The following SNCG variants were observed in gnomAD, a reference collection of about 807,000 sequenced individuals.
SNCG encodes the protein gamma-synuclein.
SNCG carries 13 observed loss-of-function variants against 16.0 expected under a neutral mutation model. The ratio of observed to expected loss-of-function variants is 0.81; its 90% confidence interval spans 0.53 to 1.29. The LOEUF (loss-of-function observed/expected upper bound fraction) is 1.29. Ranked by LOEUF, SNCG falls within the 50% of genes most tolerant of loss-of-function variation. SNCG has a pLI of 0.00. For missense variants in SNCG, 154 were observed against 168.5 expected (o/e 0.91, Z 0.48); for synonymous variants, 66 against 66.3 (o/e 1.00, Z 0.02).
chr10:86,958,189 C>T (rs1844268992), upstream of SNCG: 1 of 973,720 alleles, frequency 1.0e-6, no homozygotes, highest in African/African-American at 1.8e-5. Context: ...GCTGCTCTCA[C>T]CTAACAGGCC....
chr10:86,959,351 G>A lies in SNCG; in HGVS notation c.122-282G>A. On this transcript the variant is annotated intron_variant, in intron 1 of 4. Coordinates refer to ENST00000372017, the MANE Select transcript of SNCG (RefSeq NM_003087.3). The surrounding 1 kb of genome is among the most constrained non-coding windows in gnomAD (Gnocchi z 4.3). ...ATCCTGTCCTGTTGCTGCTTCTGAG[G>A]CCCGGCCACACCCGGGCAGGGGCTG... 1.8e-6 allele frequency: 1 copy of A among 558,596 alleles called. No homozygotes were observed. Among genetic ancestry groups the A allele is most frequent in the South Asian group, 2.2e-5 (1 of 45,814 alleles). 34.6% of individuals were successfully genotyped at this position (558,596 alleles called of 1,614,324 possible). A position where few individuals can be genotyped will look rare whatever the true frequency, so the allele number is the denominator to read the frequency against.
upstream of SNCG, chr10:86,957,969 CTCAGCACCT>C: frequency 2.9e-6 from 3 of 1,024,226 alleles, no homozygotes; most frequent in Non-Finnish European, 3.5e-6. Context: ...TTCATGCCTC[CTCAGCACCT>C]TCAGCACTGG....
upstream of SNCG, chr10:86,958,178 G>A (rs1844268874): frequency 1.0e-6 from 1 of 980,682 alleles, no homozygotes; most frequent in Non-Finnish European, 1.2e-6. Flanking sequence ...GCGGGAGGTT[G>A]GCTGCTCTCA....
upstream of SNCG, among the ~76,000 whole-genome samples, chr10:86,955,804 C>G (rs566109558): frequency 3.3e-5 from 5 of 152,236 alleles, no homozygotes; most frequent in South Asian, 1.0e-3. Flanking sequence ...GGAAGGAGAG[C>G]CCTGCAGGCA....
chr10:86,962,670 G>A lies in SNCG; in HGVS notation c.358G>A (p.Glu120Lys), dbSNP rs746527519. Residue 120 changes from glutamate to lysine, a missense_variant, in exon 4 of 5, where the codon GAG becomes AAG. Coordinates refer to ENST00000372017, the MANE Select transcript of SNCG (RefSeq NM_003087.3). ...ATCCAAAGAGAAAGAGGAAGTGGCA[G>A]AGGAGGTAGGAGCTGGGCTCCTGGG... The part of the protein sequence containing the change: ...EASKEKEEVA[E>K]EAQSGGD The A allele has an allele frequency of 1.7e-5, 28 of 1,611,550 alleles. No homozygotes were observed. The highest frequency in any genetic ancestry group is 1.6e-4 in the Middle Eastern group (1 of 6,072).
upstream of SNCG, chr10:86,957,557 G>T: frequency 6.3e-7 from 1 of 1,597,626 alleles, no homozygotes. Flanking sequence ...TGGTGGGGCA[G>T]GCTCAGCTCA....
chr10:86,958,873 G>C lies in SNCG; in HGVS notation c.121+55G>C, dbSNP rs1164144542. 1.9e-6 allele frequency: 3 copies of C among 1,541,528 alleles called. No individual in the cohort carries two copies. In the Admixed American group the frequency reaches 5.5e-5, roughly 28 times the overall value. On this transcript the variant is annotated intron_variant, in intron 1 of 4. Coordinates refer to ENST00000372017, the MANE Select transcript of SNCG (RefSeq NM_003087.3). The stretch of plus-strand genomic sequence containing the variant: ...GTGGTGGCCAAAGGGTGAGTGCCCA[G>C]TTACCTTCGCCAGACCTTACTCCCC...
rs546369056 is a variant in SNCG at position 86,963,179 on chromosome 10, C to T, written c.*194C>T. ...ACTGCCCTCCCTCGGCCCCACCCACCCTCTGGTCCTTCTGACCCCACTTAT... is the reference window on the plus strand; with the variant it reads ...ACTGCCCTCCCTCGGCCCCACCCACTCTCTGGTCCTTCTGACCCCACTTAT... On this transcript the variant is annotated 3_prime_UTR_variant, in exon 5 of 5. Transcript: ENST00000372017. The T allele has an allele frequency of 3.9e-4, 182 of 466,006 alleles. No individual in the cohort carries two copies. The highest frequency in any genetic ancestry group is 3.1e-3 in the African/African-American group (157 of 50,360). 28.9% of individuals were successfully genotyped at this position (466,006 alleles called of 1,614,324 possible).
At position 86,960,050 on chromosome 10, in the gene SNCG, G is replaced by T; in HGVS notation, c.213G>T (p.Val71=). The T allele has an allele frequency of 6.2e-7, 1 of 1,612,726 alleles. No individual in the cohort carries two copies. Residue 71 remains valine (V), a synonymous_variant, in exon 3 of 5, where the codon GTG becomes GTT. Transcript: ENST00000372017. ...CCAACGCCGTGAGCGAGGCTGTGGT[G>T]AGCAGCGTCAACACTGTGGCCACCA... is the stretch of plus-strand genomic sequence containing the variant. ...EQANAVSEAV[V]SSVNTVATKT...
intron 3 of SNCG, among the ~76,000 whole-genome samples, chr10:86,960,924 T>G (rs1217820934): frequency 6.6e-6 from 1 of 152,214 alleles, no homozygotes; most frequent in East Asian, 1.9e-4. Context: ...GAGAGATTAA[T>G]GTGCCCAAGG....
upstream of SNCG, chr10:86,958,428 A>G: frequency 2.0e-6 from 2 of 985,400 alleles, no homozygotes; most frequent in Non-Finnish European, 2.4e-6. Context: ...AGCTGGGCTG[A>G]GCCAGCAGGA....
chr10:86,958,840 G>A (rs761356862), intron 1 of SNCG, 22 bp downstream of exon 1: 1 of 1,585,124 alleles, frequency 6.3e-7, no homozygotes, highest in Non-Finnish European at 8.6e-7. Flanking sequence ...ATGGCAGGGT[G>A]GGACAGTGTG....
rs570233764 is a variant in SNCG at position 86,959,536 on chromosome 10, C to T, written c.122-97C>T. 2.7e-6 allele frequency: 3 copies of T among 1,107,826 alleles called. No homozygotes were observed. Among genetic ancestry groups the T allele is most frequent in the Non-Finnish European group, 1.4e-6 (1 of 732,448 alleles). The allele number at this position is 1,107,826 out of a possible 1,614,324, so 68.6% of individuals were successfully genotyped here. A position where few individuals can be genotyped will look rare whatever the true frequency, so the allele number is the denominator to read the frequency against. Reference sequence around the variant, plus strand: ...CCAGACACCATCCTTACCCCCCCACCGACCCCACAGTTTGTCCAGCTGTTC... The same window carrying T: ...CCAGACACCATCCTTACCCCCCCACTGACCCCACAGTTTGTCCAGCTGTTC... On this transcript the variant is annotated intron_variant, in intron 1 of 4. Coordinates refer to ENST00000372017, the MANE Select transcript of SNCG (RefSeq NM_003087.3). The surrounding 1 kb of genome is among the most constrained non-coding windows in gnomAD (Gnocchi z 4.3).
chr10:86,961,868 C>T (rs112276548), intron 3 of SNCG, among the ~76,000 whole-genome samples: 1 of 129,308 alleles, frequency 7.7e-6, no homozygotes, highest in Non-Finnish European at 1.7e-5. Flanking sequence ...ATCCCCGCCT[C>T]CCCCCCGTCC....
intron 3 of SNCG, 101 bp downstream of exon 3, chr10:86,960,229 G>A (rs1018331150): frequency 1.7e-5 from 20 of 1,167,628 alleles, no homozygotes; most frequent in African/African-American, 7.6e-5. Context: ...GAAACAACAC[G>A]GGGGGCTGCG....
At chr10:86,960,236 T>A in intron 3 of SNCG, 108 bp downstream of exon 3, 2 of 1,119,900 alleles carry the variant, frequency 1.8e-6, no homozygotes, top group Admixed American at 5.0e-5. Flanking sequence ...CACGGGGGGC[T>A]GCGGCTGGCT....
Position 86,958,746 on chromosome 10 carries a change from G to C in SNCG, c.49G>C (p.Gly17Arg). The C allele has an allele frequency of 6.2e-7, 1 of 1,613,982 alleles. No homozygotes were observed. The highest frequency in any genetic ancestry group is 1.1e-5 in the South Asian group (1 of 91,062). The part of the protein sequence containing the change: ...GFSIAKEGVV[G>R]AVEKTKQGVT... ...CTCCATCGCCAAGGAGGGCGTGGTGGGTGCGGTGGAAAAGACCAAGCAGGG... is the reference window on the plus strand; with the variant it reads ...CTCCATCGCCAAGGAGGGCGTGGTGCGTGCGGTGGAAAAGACCAAGCAGGG... Residue 17 changes from glycine to arginine, a missense_variant, in exon 1 of 5, where the codon GGT becomes CGT. Coordinates refer to ENST00000372017, the MANE Select transcript of SNCG (RefSeq NM_003087.3).
At chr10:86,957,083 C>G (rs1443891495), upstream of SNCG, among the ~76,000 whole-genome samples, 4 of 152,212 alleles carry the variant, frequency 2.6e-5, no homozygotes, top group African/African-American at 7.2e-5. Flanking sequence ...TGGCTTCAGC[C>G]ACAGTCCCCC....
upstream of SNCG, among the ~76,000 whole-genome samples, chr10:86,956,079 A>G (rs1461391867): frequency 6.6e-6 from 1 of 151,974 alleles, no homozygotes; most frequent in East Asian, 1.9e-4. Context: ...CCTGAGACTA[A>G]GGCGTGGAGC....
Sources: allele counts gnomAD v4.1 joint callset (sites outside exome capture counted in the v4.1 genomes callset), GRCh38; gene constraint gnomAD v4.1.1; non-coding constraint Gnocchi (gnomAD v3.1); transcripts MANE v1.5; gene names NCBI Gene and HGNC (gene_info 2026-07-23, HGNC 2026-07-21).